Variants in PDK1 observed in about 807,000 individuals in gnomAD.
PDK1 encodes pyruvate dehydrogenase kinase 1, also known as [Pyruvate dehydrogenase (acetyl-transferring)] kinase isozyme 1, mitochondrial.
In PDK1, 39 loss-of-function variants were observed where a neutral mutation model predicts 54.2. That is an observed-to-expected ratio of 0.72 (90% confidence interval 0.56 to 0.94). The LOEUF (loss-of-function observed/expected upper bound fraction) is 0.94, where lower values mean the gene tolerates loss of function less well. Ranked by LOEUF, PDK1 falls within the 40% of genes least tolerant of loss-of-function variation. The probability of loss-of-function intolerance (pLI) is 0.00; values close to 1 mark genes in which losing one functional copy is unlikely to be tolerated. For missense variants in PDK1, 552 were observed against 566.0 expected, an observed-to-expected ratio of 0.98 and a Z score of 0.25; for synonymous variants, 221 against 207.1, an observed-to-expected ratio of 1.07 and a Z score of -0.58.
chr2:172,695,935 G>A, the PDK1 span, among the ~76,000 whole-genome samples: 1 of 152,098 alleles, frequency 6.6e-6, no homozygotes, highest in African/African-American at 2.4e-5. Flanking sequence ...CACTTTGGGA[G>A]GCTGAGATGG....
upstream of PDK1, chr2:172,555,905 A>G (rs151222616): frequency 0.013 from 4,560 of 351,234 alleles, 93 homozygotes; most frequent in Admixed American, 0.023. Context: ...CTTCCTCGGG[A>G]GGCTGGGCGG....
At chr2:172,622,024 C>T in the PDK1 span, among the ~76,000 whole-genome samples, 1 of 146,216 alleles carries the variant, frequency 6.8e-6, no homozygotes, top group Non-Finnish European at 1.5e-5. Context: ...ATGTTCATAT[C>T]TCGTATATAC....
chr2:172,592,397 C>T (rs1690642392), intron 9 of PDK1, among the ~76,000 whole-genome samples: 1 of 151,966 alleles, frequency 6.6e-6, no homozygotes, highest in Admixed American at 6.6e-5. Context: ...CTCTCTCTGA[C>T]TCCCTCTTTG....
the PDK1 span, among the ~76,000 whole-genome samples, chr2:172,622,468 C>G: frequency 6.9e-6 from 1 of 145,788 alleles, no homozygotes; most frequent in Non-Finnish European, 1.5e-5. Flanking sequence ...ATGTTTATAT[C>G]TCATATTATG....
At chr2:172,689,404 C>T in the PDK1 span, among the ~76,000 whole-genome samples, 9 of 152,172 alleles carry the variant, frequency 5.9e-5, no homozygotes, top group African/African-American at 1.7e-4. Context: ...GACTCAATAT[C>T]GTGAAAATGG....
chr2:172,666,221 C>T, the PDK1 span, among the ~76,000 whole-genome samples: 6 of 152,216 alleles, frequency 3.9e-5, no homozygotes. Context: ...TAACCTACTA[C>T]ACATGCTATT....
At chr2:172,586,828 A>G (rs550588613) in intron 9 of PDK1, among the ~76,000 whole-genome samples, 5 of 152,314 alleles carry the variant, frequency 3.3e-5, no homozygotes, top group South Asian at 4.1e-4. Context: ...AATCTGTTCA[A>G]TCACCAACCT....
chr2:172,708,894 C>T, the PDK1 span, among the ~76,000 whole-genome samples: 1 of 152,186 alleles, frequency 6.6e-6, no homozygotes, highest in South Asian at 2.1e-4. Context: ...CCGTCTGTGG[C>T]ATCATGTTGG....
At chr2:172,614,324 C>G in the PDK1 span, among the ~76,000 whole-genome samples, 1 of 152,304 alleles carries the variant, frequency 6.6e-6, no homozygotes, top group Non-Finnish European at 1.5e-5. Context: ...GCCAGTCCCT[C>G]CAACAGGAGT....
At chr2:172,676,026 A>G in the PDK1 span, among the ~76,000 whole-genome samples, 11 of 152,082 alleles carry the variant, frequency 7.2e-5, no homozygotes, top group African/African-American at 2.2e-4. Context: ...TGCTCAGATG[A>G]CAGCACATCT....
At chr2:172,564,888 C>A in intron 4 of PDK1, 90 bp from the exon 5 acceptor site, 1 of 974,144 alleles carries the variant, frequency 1.0e-6, no homozygotes. Context: ...AATATTTGTT[C>A]TGTTTGGTAC....
chr2:172,693,605 T>C, the PDK1 span, among the ~76,000 whole-genome samples: 1 of 152,300 alleles, frequency 6.6e-6, no homozygotes, highest in South Asian at 2.1e-4. Flanking sequence ...TAAGTCCAAA[T>C]GGCAAAACGG....
the PDK1 span, among the ~76,000 whole-genome samples, chr2:172,656,647 G>A: frequency 1.3e-5 from 2 of 152,126 alleles, no homozygotes; most frequent in Non-Finnish European, 1.5e-5. Flanking sequence ...GATGGCTCAT[G>A]CCTGTAATCC....
chr2:172,695,129 C>T, the PDK1 span, among the ~76,000 whole-genome samples: 1 of 151,916 alleles, frequency 6.6e-6, no homozygotes, highest in Non-Finnish European at 1.5e-5. Flanking sequence ...AAAAACAAAA[C>T]AAAAAAAGTT....
chr2:172,661,514 C>T, the PDK1 span, among the ~76,000 whole-genome samples: 5 of 152,186 alleles, frequency 3.3e-5, no homozygotes, highest in South Asian at 4.1e-4. Flanking sequence ...AAATCAGCTG[C>T]GGTTGGAGTT....
the PDK1 span, among the ~76,000 whole-genome samples, chr2:172,695,526 A>G: frequency 6.6e-6 from 1 of 152,196 alleles, no homozygotes; most frequent in African/African-American, 2.4e-5. Flanking sequence ...CCTGCTTTCC[A>G]GTGTTCAAAC....
the PDK1 span, among the ~76,000 whole-genome samples, chr2:172,697,500 C>A: frequency 6.6e-6 from 1 of 152,118 alleles, no homozygotes; most frequent in African/African-American, 2.4e-5. Flanking sequence ...ATGGATGGGG[C>A]AACTGCCTTC....
rs975017383 is a variant in PDK1, at chr2:172,591,811, T to G, written c.1057-1124T>G. Among the ~76,000 whole-genome samples the G allele has an allele frequency of 7.2e-5, 11 of 152,376 alleles. No homozygotes were observed. In the East Asian group the frequency reaches 2.1e-3, roughly 29 times the overall value. On this transcript the variant is annotated intron_variant, in intron 9 of 10. Coordinates refer to ENST00000282077, the MANE Select transcript of PDK1 (RefSeq NM_002610.5). ...ATTCCTTGCTATTAATAAGACCTCG[T>G]TCAGTCCATATTAACTTAAAATTGG... is the stretch of plus-strand genomic sequence containing the variant.
intron 10 of PDK1, 111 bp from the exon 11 acceptor site, chr2:172,595,718 C>A: frequency 1.3e-6 from 1 of 775,072 alleles, no homozygotes; most frequent in South Asian, 1.8e-5. Flanking sequence ...TAATAAGATA[C>A]TAATAGAATA....
Sources: allele counts gnomAD v4.1 joint callset (sites outside exome capture counted in the v4.1 genomes callset), GRCh38; gene constraint gnomAD v4.1.1; transcripts MANE v1.5; gene names NCBI Gene and HGNC (gene_info 2026-07-23, HGNC 2026-07-21).